The following FRMD4A variants were observed in gnomAD, a reference collection of about 807,000 sequenced individuals.
FRMD4A encodes the protein FERM domain containing 4A.
FRMD4A carries 29 observed loss-of-function variants against 129.1 expected under a neutral mutation model. The ratio of observed to expected loss-of-function variants is 0.22; its 90% confidence interval spans 0.17 to 0.31. The LOEUF is 0.31. Ranked by LOEUF, FRMD4A falls within the 10% of genes least tolerant of loss-of-function variation. The pLI is 1.00. For synonymous variants in FRMD4A, 634 were observed against 571.6 expected (o/e 1.11, Z -1.56); for missense variants, 1,272 against 1,375.8 (o/e 0.92, Z 1.19).
At chr10:14,170,067 T>C (rs10906620) in intron 2 of FRMD4A, among the ~76,000 whole-genome samples, 50,506 of 152,000 alleles carry the variant, frequency 0.33, 8,602 homozygotes, top group Non-Finnish European at 0.37. Flanking sequence ...TGTCGAATAA[T>C]TCTAAGTGAC....
At chr10:13,672,327 A>C (rs1429693738) in intron 16 of FRMD4A, among the ~76,000 whole-genome samples, 2 of 152,194 alleles carry the variant, frequency 1.3e-5, no homozygotes, top group Non-Finnish European at 2.9e-5. Context: ...AATGTCTCCA[A>C]AGTAGTTAAG....
chr10:14,162,342 G>A (rs1840933866), intron 2 of FRMD4A, among the ~76,000 whole-genome samples: 1 of 152,192 alleles, frequency 6.6e-6, no homozygotes. Context: ...AGCTTATTTC[G>A]ACAATGTAGT....
At chr10:14,107,474 T>G (rs1398225352) in intron 2 of FRMD4A, among the ~76,000 whole-genome samples, 2 of 152,190 alleles carry the variant, frequency 1.3e-5, no homozygotes, top group Non-Finnish European at 2.9e-5. Flanking sequence ...TTGTTTAAAG[T>G]TAACTTTTTA....
chr10:13,714,777 T>G (rs1970925), intron 12 of FRMD4A, among the ~76,000 whole-genome samples: 2 of 152,132 alleles, frequency 1.3e-5, no homozygotes, highest in Non-Finnish European at 2.9e-5. Context: ...TGGTGGCTCA[T>G]GCCTGTAATC....
At chr10:13,862,964 TC>T (rs201864784) in intron 2 of FRMD4A, among the ~76,000 whole-genome samples, 18,817 of 150,862 alleles carry the variant, frequency 0.12, 1,275 homozygotes, top group Non-Finnish European at 0.16. Context: ...CTTTTTTTTT[TC>T]ATTTCCAGCT....
At chr10:14,231,494 C>G (rs1843637834) in intron 2 of FRMD4A, among the ~76,000 whole-genome samples, 1 of 152,140 alleles carries the variant, frequency 6.6e-6, no homozygotes, top group Non-Finnish European at 1.5e-5. Context: ...AGGCACTCAC[C>G]ACCACGCCCG....
intron 2 of FRMD4A, among the ~76,000 whole-genome samples, chr10:14,091,283 TA>T (rs200641172): frequency 6.6e-6 from 1 of 151,652 alleles, no homozygotes; most frequent in South Asian, 2.1e-4. Context: ...CACATGGCAT[TA>T]AAAAAAAGGC....
chr10:13,854,519 C>G (rs2094186680), intron 3 of FRMD4A, among the ~76,000 whole-genome samples: 1 of 151,846 alleles, frequency 6.6e-6, no homozygotes, highest in African/African-American at 2.4e-5. Context: ...CTCCCAGGTT[C>G]AAGTGATTCT....
At chr10:14,252,289 T>A (rs1307032167) in intron 2 of FRMD4A, among the ~76,000 whole-genome samples, 1 of 152,200 alleles carries the variant, frequency 6.6e-6, no homozygotes, top group African/African-American at 2.4e-5. Flanking sequence ...AAAATGAACA[T>A]ATGAACGTTG....
intron 15 of FRMD4A, among the ~76,000 whole-genome samples, chr10:13,689,963 G>T (rs2085524329): frequency 6.6e-6 from 1 of 152,110 alleles, no homozygotes; most frequent in South Asian, 2.1e-4. Context: ...TGGGTGTTGG[G>T]TACTGGGCAA....
At chr10:14,099,151 G>A (rs992412687) in intron 2 of FRMD4A, among the ~76,000 whole-genome samples, 1 of 152,144 alleles carries the variant, frequency 6.6e-6, no homozygotes, top group Non-Finnish European at 1.5e-5. Context: ...CTCCACCTCG[G>A]TCAAGCCTCA....
chr10:14,175,092 T>C (rs751603278), intron 2 of FRMD4A, among the ~76,000 whole-genome samples: 1 of 152,214 alleles, frequency 6.6e-6, no homozygotes, highest in Admixed American at 6.5e-5. Flanking sequence ...TTCTTTATGC[T>C]TGAGGAATTT....
At chr10:14,228,829 C>A (rs1268270519) in intron 2 of FRMD4A, among the ~76,000 whole-genome samples, 7 of 151,870 alleles carry the variant, frequency 4.6e-5, no homozygotes, top group Admixed American at 3.3e-4. Flanking sequence ...TACAATTAAT[C>A]CCTCACTGTT....
intron 2 of FRMD4A, among the ~76,000 whole-genome samples, chr10:14,098,338 C>T (rs1270819152): frequency 6.6e-6 from 1 of 151,010 alleles, no homozygotes; most frequent in East Asian, 1.9e-4. Context: ...CTCAACGCAA[C>T]ATTTCTCAAC....
chr10:13,792,190 C>T (rs1158234412), intron 5 of FRMD4A, among the ~76,000 whole-genome samples: 1 of 152,212 alleles, frequency 6.6e-6, no homozygotes, highest in Non-Finnish European at 1.5e-5. Context: ...GGCTCTGTCA[C>T]TCATGGTGGT....
intron 2 of FRMD4A, among the ~76,000 whole-genome samples, chr10:14,283,453 T>G (rs1163094546): frequency 6.6e-6 from 1 of 152,088 alleles, no homozygotes; most frequent in Admixed American, 6.5e-5. Context: ...ATATTCATGG[T>G]AAAGATGAAA....
intron 2 of FRMD4A, among the ~76,000 whole-genome samples, chr10:14,065,477 G>T (rs1003619788): frequency 6.6e-6 from 1 of 152,042 alleles, no homozygotes; most frequent in African/African-American, 2.4e-5. Flanking sequence ...CACCATACCC[G>T]GCCCTAATTC....
chr10:14,120,148 A>G (rs1227848798), intron 2 of FRMD4A, among the ~76,000 whole-genome samples: 3 of 151,974 alleles, frequency 2.0e-5, no homozygotes, highest in Admixed American at 2.0e-4. Context: ...ATCAGGAATT[A>G]TATTCCTTTA....
intron 2 of FRMD4A, among the ~76,000 whole-genome samples, chr10:14,108,234 T>G (rs181386689): frequency 6.6e-6 from 1 of 152,344 alleles, no homozygotes; most frequent in East Asian, 1.9e-4. Context: ...AGCTCTATTT[T>G]CAGATAAGTG....
Sources: gnomAD v4.1 joint callset for allele counts (sites outside exome capture counted in the v4.1 genomes callset) on GRCh38, gnomAD v4.1.1 for gene constraint, MANE v1.5 for transcripts, NCBI Gene and HGNC (gene_info 2026-07-23, HGNC 2026-07-21) for gene names.